Variants in FYN observed in about 807,000 individuals in gnomAD.
FYN encodes the protein tyrosine-protein kinase Fyn.
Under a neutral mutation model 70.2 loss-of-function variants are expected in FYN, and 10 were observed. The observed-to-expected ratio is 0.14, with a 90% CI of 0.09 to 0.24. FYN has a LOEUF of 0.24. Ranked by LOEUF, FYN falls within the 10% of genes least tolerant of loss-of-function variation. FYN has a pLI of 1.00. For missense variants in FYN, 319 were observed against 673.1 expected (o/e 0.47, Z 5.82); for synonymous variants, 236 against 248.6 (o/e 0.95, Z 0.48).
chr6:111,846,573 A>C lies in FYN; in HGVS notation c.-82+16T>G. Reference sequence around the variant, plus strand: ...TCACAAGGCACTTGCTCTCAGTGCAAAACTTGCCAACTTACTTTTTCCACG... The same window carrying C: ...TCACAAGGCACTTGCTCTCAGTGCACAACTTGCCAACTTACTTTTTCCACG... On this transcript the variant is annotated intron_variant, in intron 2 of 13. Transcript: ENST00000354650. 1 of 399,008 alleles carries C rather than the reference A, an allele frequency of 2.5e-6. No individual in the cohort carries two copies. The highest frequency in any genetic ancestry group is 3.6e-5 in the East Asian group (1 of 28,072). The allele number at this position is 399,008 out of a possible 1,614,324, so 24.7% of individuals were successfully genotyped here. A position where few individuals can be genotyped will look rare whatever the true frequency, so the allele number is the denominator to read the frequency against.
intron 2 of FYN, among the ~76,000 whole-genome samples, chr6:111,787,819 G>A (rs1276450585): frequency 6.6e-6 from 1 of 152,190 alleles, no homozygotes; most frequent in African/African-American, 2.4e-5. Context: ...TTCTTCCCCT[G>A]CAGTGCCTAA....
At chr6:111,790,167 C>T (rs1771558447) in intron 2 of FYN, among the ~76,000 whole-genome samples, 1 of 150,128 alleles carries the variant, frequency 6.7e-6, no homozygotes, top group Non-Finnish European at 1.5e-5. Context: ...CACCACATAC[C>T]TGGAGAATCC....
intron 3 of FYN, among the ~76,000 whole-genome samples, chr6:111,751,735 C>T (rs1236658172): frequency 2.0e-5 from 3 of 152,130 alleles, no homozygotes; most frequent in Non-Finnish European, 4.4e-5. Context: ...TATCCTTCTA[C>T]CTACGCCTCC....
chr6:111,684,867 T>C (rs945530604), intron 12 of FYN, among the ~76,000 whole-genome samples: 2 of 152,164 alleles, frequency 1.3e-5, no homozygotes, highest in African/African-American at 4.8e-5. Flanking sequence ...AGTGGTTATC[T>C]TGGGTGGGAC....
intron 1 of FYN, among the ~76,000 whole-genome samples, chr6:111,869,828 G>C (rs1362580922): frequency 2.6e-5 from 4 of 152,208 alleles, no homozygotes; most frequent in Non-Finnish European, 4.4e-5. Flanking sequence ...TCAGATGATT[G>C]TATCACATGG....
intron 8 of FYN, 142 bp from the exon 9 acceptor site, chr6:111,700,410 G>A (rs1486417942): frequency 2.7e-6 from 2 of 744,880 alleles, no homozygotes; most frequent in South Asian, 1.9e-5. Context: ...CACACACATC[G>A]TGGAACACTA....
At chr6:111,713,453 CCCCTCAGCCCCTGGGTGGCA>C (rs1800480507) in intron 5 of FYN, among the ~76,000 whole-genome samples, 1 of 152,062 alleles carries the variant, frequency 6.6e-6, no homozygotes, top group Non-Finnish European at 1.5e-5. Flanking sequence ...TCCTGGTGTG[CCCCTCAGCCCCTGGGTGGCA>C]TTCTTTCCCA....
At chr6:111,851,039 T>C (rs1773671548) in intron 1 of FYN, among the ~76,000 whole-genome samples, 1 of 152,266 alleles carries the variant, frequency 6.6e-6, no homozygotes, top group Admixed American at 6.5e-5. Flanking sequence ...CTTCTTCTCC[T>C]GTCTTATTCA....
chr6:111,742,655 C>T (rs1802029610), intron 3 of FYN, among the ~76,000 whole-genome samples: 3 of 152,172 alleles, frequency 2.0e-5, no homozygotes, highest in Non-Finnish European at 4.4e-5. Flanking sequence ...ATAGGCTTTG[C>T]AACTGAACAG....
In FYN at chr6:111,856,514, CAG is replaced by C. The variant is rs1274714593; in HGVS notation, c.-122-9887_-122-9886del. Among the ~76,000 whole-genome samples, 6 of 152,034 alleles carry C rather than the reference CAG, an allele frequency of 3.9e-5. 1 individual carries two copies. In the South Asian group the frequency reaches 1.2e-3, roughly 32 times the overall value. On this transcript the variant is annotated intron_variant, in intron 1 of 13. Transcript: ENST00000354650. Reference sequence around the variant, plus strand: ...ACTTATGTTATTATTTTATAAAACTCAGATAATATAAGATTTTTTAAATTTAA... The same window carrying C: ...ACTTATGTTATTATTTTATAAAACTCATAATATAAGATTTTTTAAATTTAA...
At chr6:111,714,548 C>T in intron 4 of FYN, 105 bp from the exon 5 acceptor site, 3 of 808,190 alleles carry the variant, frequency 3.7e-6, no homozygotes, top group East Asian at 2.6e-5. Context: ...CTACATCTAG[C>T]CAGCACTAAT....
chr6:111,713,211 A>G (rs913216895), intron 5 of FYN, among the ~76,000 whole-genome samples: 1 of 152,150 alleles, frequency 6.6e-6, no homozygotes, highest in Non-Finnish European at 1.5e-5. Context: ...GGCATTCAAG[A>G]AAAGGGTGGG....
chr6:111,678,138 G>GTGTGTGTC (rs910627677), intron 12 of FYN, among the ~76,000 whole-genome samples: 4 of 149,824 alleles, frequency 2.7e-5, no homozygotes, highest in African/African-American at 1.0e-4. Context: ...GTGTGTGTGT[G>GTGTGTGTC]TGTGTGTGTG....
chr6:111,838,654 A>G (rs1044528209), intron 2 of FYN, among the ~76,000 whole-genome samples: 1 of 152,258 alleles, frequency 6.6e-6, no homozygotes, highest in African/African-American at 2.4e-5. Flanking sequence ...AATTAATTGG[A>G]CGACAGAATA....
intron 2 of FYN, among the ~76,000 whole-genome samples, chr6:111,803,145 T>C (rs1455661292): frequency 1.3e-5 from 2 of 152,218 alleles, no homozygotes. Flanking sequence ...TCAAAGGCCA[T>C]TTGGAGTTCC....
intron 2 of FYN, among the ~76,000 whole-genome samples, chr6:111,838,828 T>G (rs960485288): frequency 6.6e-6 from 1 of 152,220 alleles, no homozygotes; most frequent in African/African-American, 2.4e-5. Context: ...TTCAGTTGTT[T>G]ACTGAATGGA....
At chr6:111,787,192 G>GT (rs1372397482) in intron 2 of FYN, among the ~76,000 whole-genome samples, 1 of 152,116 alleles carries the variant, frequency 6.6e-6, no homozygotes, top group Non-Finnish European at 1.5e-5. Context: ...GGTTTTTATG[G>GT]TTTTAGATCT....
At chr6:111,697,779 C>T (rs1042835062) in intron 9 of FYN, among the ~76,000 whole-genome samples, 8 of 152,102 alleles carry the variant, frequency 5.3e-5, no homozygotes, top group African/African-American at 1.7e-4. Context: ...TATTGGAAAA[C>T]AAAATGTGAA....
intron 1 of FYN, among the ~76,000 whole-genome samples, chr6:111,867,458 G>GAAAAAAAA (rs373634134): frequency 4.3e-5 from 3 of 70,484 alleles, no homozygotes; most frequent in African/African-American, 1.7e-4. Flanking sequence ...TCCGTCTCGG[G>GAAAAAAAA]AAAAAAAAAA....
Sources: gnomAD v4.1 joint callset for allele counts (sites outside exome capture counted in the v4.1 genomes callset) on GRCh38, gnomAD v4.1.1 for gene constraint, MANE v1.5 for transcripts, NCBI Gene and HGNC (gene_info 2026-07-23, HGNC 2026-07-21) for gene names.